The following CCDC15 variants were observed in gnomAD, a reference collection of about 807,000 sequenced individuals.
CCDC15 encodes the protein coiled-coil domain-containing protein 15.
Under a neutral mutation model 114.5 loss-of-function variants are expected in CCDC15, and 105 were observed. That is an observed-to-expected ratio of 0.92 (90% CI 0.78 to 1.08). The LOEUF (loss-of-function observed/expected upper bound fraction) is 1.08. Ranked by LOEUF, CCDC15 falls within the 50% of genes least tolerant of loss-of-function variation. The pLI is 0.00. For missense variants in CCDC15, 1,105 were observed against 1,093.6 expected (o/e 1.01, Z -0.15); for synonymous variants, 334 against 377.8 (o/e 0.88, Z 1.34).
chr11:125,000,965 T>C (rs1948470487), intron 11 of CCDC15, among the ~76,000 whole-genome samples: 1 of 152,204 alleles, frequency 6.6e-6, no homozygotes, highest in Non-Finnish European at 1.5e-5. Flanking sequence ...TTAATATATA[T>C]GATTGATCCG....
chr11:125,037,999 A>G (rs1421191262), intron 13 of CCDC15: 3 of 151,878 alleles, frequency 2.0e-5, no homozygotes, highest in African/African-American at 4.8e-5. Flanking sequence ...GCTCACTGCA[A>G]CCTCTGCCTC....
chr11:124,993,427 C>T (rs1191436400), intron 11 of CCDC15, among the ~76,000 whole-genome samples, 184 bp downstream of exon 11: 1 of 152,160 alleles, frequency 6.6e-6, no homozygotes, highest in Non-Finnish European at 1.5e-5. Flanking sequence ...TTCTTTTGTT[C>T]TGTGATGTAT....
intron 15 of CCDC15, chr11:125,039,498 C>T (rs1296998978): frequency 1.9e-5 from 3 of 154,994 alleles, no homozygotes; most frequent in African/African-American, 7.2e-5. Flanking sequence ...AAATAAGAAA[C>T]AGTATAAACT....
In CCDC15 at chr11:124,986,760, C is replaced by A. The variant is rs904738184; in HGVS notation, c.772C>A (p.Pro258Thr). 6.5e-7 allele frequency: 1 copy of A among 1,539,770 alleles called. No individual in the cohort carries two copies. Among genetic ancestry groups the A allele is most frequent in the African/African-American group, 1.4e-5 (1 of 71,562 alleles). Residue 258 changes from proline to threonine, a missense_variant, in exon 7 of 16, where the codon CCT (proline) becomes ACT (threonine). By Grantham distance (38) the Pro-to-Thr change is conservative. Coordinates refer to ENST00000344762, the MANE Select transcript of CCDC15 (RefSeq NM_025004.3). Reference sequence around the variant, plus strand: ...TCTTTAGGAACTTGACTATGAGGAACCTGACTATGAGGAATCTTCATCTCT... The same window carrying A: ...TCTTTAGGAACTTGACTATGAGGAAACTGACTATGAGGAATCTTCATCTCT... ...MENQELDYEE[P>T]DYEESSSLVT... is the part of the protein sequence containing the mutation.
chr11:125,025,623 A>AT (rs564492612), intron 13 of CCDC15, among the ~76,000 whole-genome samples: 1 of 151,892 alleles, frequency 6.6e-6, no homozygotes, highest in Non-Finnish European at 1.5e-5. Flanking sequence ...TAGGTTATCA[A>AT]TTTTTTTCTT....
Position 124,986,822 on chromosome 11 carries a change from G to A in CCDC15, c.834G>A (p.Gly278=), listed in dbSNP as rs1330197924. ...AGAAAGGGAAAGAAGATTTGTTTGG[G>A]AGAGGCCAGCAGGACCAGCAGGCTA... ...TDEKGKEDLF[G]RGQQDQQAIH... is the part of the protein sequence containing the mutation. Residue 278 remains glycine, a synonymous_variant, in exon 7 of 16, where the codon GGG becomes GGA. Transcript: ENST00000344762. 1.3e-6 allele frequency: 2 copies of A among 1,557,068 alleles called. No individual in the cohort carries two copies. The highest frequency in any genetic ancestry group is 1.7e-6 in the Non-Finnish European group (2 of 1,149,520).
At chr11:124,980,150 G>A (rs1349842447) in intron 6 of CCDC15, among the ~76,000 whole-genome samples, 3 of 151,984 alleles carry the variant, frequency 2.0e-5, no homozygotes, top group Non-Finnish European at 1.5e-5. Flanking sequence ...GCTTTTTGAT[G>A]CACTGCTGGA....
In CCDC15 at chr11:124,987,541, A is replaced by T; in HGVS notation, c.1315A>T (p.Ser439Cys). 6.2e-7 allele frequency: 1 copy of T among 1,614,052 alleles called. No individual in the cohort carries two copies. Among genetic ancestry groups the T allele is most frequent in the Non-Finnish European group, 8.5e-7 (1 of 1,179,900 alleles). ...KDHCVLPKDQ[S>C]ILLKYQDQDF... Reference sequence around the variant, plus strand: ...CCACTGTGTTCTCCCTAAAGACCAGAGTATTCTACTCAAATATCAGGACCA... The same window carrying T: ...CCACTGTGTTCTCCCTAAAGACCAGTGTATTCTACTCAAATATCAGGACCA... Residue 439 changes from serine to cysteine, a missense_variant, in exon 8 of 16, where the codon AGT (serine) becomes TGT (cysteine). By Grantham distance (112) the Ser-to-Cys change is moderately radical. Transcript: ENST00000344762.
Position 124,992,696 on chromosome 11 carries a change from G to T in CCDC15, c.2139+9G>T. The T allele has an allele frequency of 7.0e-7, 1 of 1,433,684 alleles. No homozygotes were observed. Among genetic ancestry groups the T allele is most frequent in the South Asian group, 1.2e-5 (1 of 82,638 alleles). 88.8% of individuals were successfully genotyped at this position (1,433,684 alleles called of 1,614,324 possible). A position where few individuals can be genotyped will look rare whatever the true frequency, so the allele number is the denominator to read the frequency against. ...ACTCCCCTAGAGAACAGGTAGAACC[G>T]AATACAGTAGGAGGACTGTATACCT... On this transcript the variant is annotated intron_variant, in intron 10 of 15. Transcript: ENST00000344762.
At chr11:125,040,046 G>GT (rs1342582902) in intron 15 of CCDC15, among the ~76,000 whole-genome samples, 2 of 143,364 alleles carry the variant, frequency 1.4e-5, no homozygotes, top group Non-Finnish European at 3.0e-5. Flanking sequence ...TTGTTTTTTT[G>GT]TTTTTGTTTT....
At chr11:124,995,496 G>T (rs1331649292) in intron 11 of CCDC15, among the ~76,000 whole-genome samples, 1 of 152,094 alleles carries the variant, frequency 6.6e-6, no homozygotes, top group Non-Finnish European at 1.5e-5. Flanking sequence ...TAGTCACTTG[G>T]TAGATAGGTT....
intron 13 of CCDC15, among the ~76,000 whole-genome samples, chr11:125,010,983 G>A (rs1274278223): frequency 1.3e-5 from 2 of 151,970 alleles, no homozygotes; most frequent in African/African-American, 4.8e-5. Context: ...AGTAAAGGTA[G>A]GGGTCCAGTT....
intron 10 of CCDC15, 31 bp from the exon 11 acceptor site, chr11:124,993,138 C>T: frequency 2.2e-6 from 3 of 1,393,114 alleles, no homozygotes; most frequent in Non-Finnish European, 3.0e-6. Context: ...TCTGCTTAGA[C>T]AATCAGTTTT....
chr11:125,038,969 T>C lies in CCDC15; in HGVS notation c.2634T>C (p.Tyr878=), dbSNP rs530133167. The C allele has an allele frequency of 1.1e-5, 18 of 1,613,516 alleles. No homozygotes were observed. The highest frequency in any genetic ancestry group is 1.4e-5 in the Non-Finnish European group (17 of 1,179,570). Residue 878 remains tyrosine, a synonymous_variant, in exon 15 of 16, where the codon TAT becomes TAC. Transcript: ENST00000344762. ...AAATCCAGGAGAAAATGCAGCTGTA[T>C]AATATTACTTTACCTCCACTATGCT... ...RAQIQEKMQL[Y]NITLPPLCCC...
At chr11:125,005,028 G>T in intron 12 of CCDC15, 81 bp from the exon 13 acceptor site, 1 of 597,234 alleles carries the variant, frequency 1.7e-6, no homozygotes, top group South Asian at 2.6e-5. Context: ...ATTTGTTTTT[G>T]TCTATGGTAT....
At chr11:125,013,731 A>G (rs1948611515) in intron 13 of CCDC15, among the ~76,000 whole-genome samples, 1 of 152,226 alleles carries the variant, frequency 6.6e-6, no homozygotes, top group Non-Finnish European at 1.5e-5. Context: ...GTTTGTGACC[A>G]TCAGCTTCAG....
chr11:125,039,064 A>G lies in CCDC15; in HGVS notation c.2729A>G (p.His910Arg). 1.3e-6 allele frequency: 2 copies of G among 1,590,910 alleles called. No individual in the cohort carries two copies. Among genetic ancestry groups the G allele is most frequent in the South Asian group, 2.3e-5 (2 of 88,008 alleles). The change falls in exon 15 of 16, where the codon CAC becomes CGC. Residue 910 changes from histidine (H) to arginine (R), a missense_variant. His to Arg is a conservative substitution (Grantham distance 29). Coordinates refer to ENST00000344762, the MANE Select transcript of CCDC15 (RefSeq NM_025004.3). The stretch of plus-strand genomic sequence containing the variant: ...AACAACTGTATTTTCTATAAAAACC[A>G]CAGAGGTAAGTTTCTTGAAGGAATA... Reference protein sequence around the residue: ...CANNCIFYKNHRAYTRALHSF... With the variant: ...CANNCIFYKNRRAYTRALHSF...
intron 6 of CCDC15, among the ~76,000 whole-genome samples, chr11:124,978,818 A>AT (rs35083057): frequency 0.33 from 49,304 of 148,530 alleles, 9,423 homozygotes; most frequent in East Asian, 0.73. Context: ...CCCATTTGTC[A>AT]TTTTTTTTTT....
rs188257631 is a variant in CCDC15, at chr11:125,012,641, G to T, written c.2411+7429G>T. On this transcript the variant is annotated intron_variant, in intron 13 of 15. Coordinates refer to ENST00000344762, the MANE Select transcript of CCDC15 (RefSeq NM_025004.3). ...GTTTGGGTGGATAAATATATGTTTT[G>T]CAGGGAAGGGGATAAGGATGGTGAG... Among the ~76,000 whole-genome samples, 160 of 152,280 alleles carry T rather than the reference G, an allele frequency of 1.1e-3. 1 individual carries two copies. Among genetic ancestry groups the T allele is most frequent in the African/African-American group, 3.7e-3 (153 of 41,562 alleles).
Sources: gnomAD v4.1 joint callset for allele counts (sites outside exome capture counted in the v4.1 genomes callset) on GRCh38, gnomAD v4.1.1 for gene constraint, MANE v1.5 for transcripts, NCBI Gene and HGNC (gene_info 2026-07-23, HGNC 2026-07-21) for gene names.